Variants in DCAF8L2 observed in about 807,000 individuals in gnomAD.
DCAF8L2 encodes DDB1- and CUL4-associated factor 8-like protein 2.
For synonymous variants in DCAF8L2, 200 were observed against 190.9 expected (o/e 1.05, Z -0.39); for missense variants, 430 against 490.7 (o/e 0.88, Z 1.17).
the DCAF8L2 span, among the ~76,000 whole-genome samples, chrX:27,576,112 A>T: frequency 8.9e-6 from 1 of 112,562 alleles, no homozygotes; most frequent in Admixed American, 9.4e-5. Context: ...TATGTGTAGT[A>T]ATTTGATTAC....
At chrX:27,627,227 A>G (rs1251250210) in intron 1 of DCAF8L2, 1 of 111,553 alleles carries the variant, frequency 9.0e-6, no homozygotes, top group African/African-American at 3.3e-5. Flanking sequence ...ATCTAGAAAG[A>G]GGAATATTAG....
intron 1 of DCAF8L2, among the ~76,000 whole-genome samples, chrX:27,625,679 A>G (rs1369213617): frequency 8.9e-6 from 1 of 112,233 alleles, no homozygotes; most frequent in African/African-American, 3.2e-5. Flanking sequence ...CTATGCAGCC[A>G]TAAAAAGAAT....
intron 2 of DCAF8L2, among the ~76,000 whole-genome samples, chrX:27,642,536 T>C (rs778819396): frequency 8.1e-5 from 9 of 110,740 alleles, no homozygotes; most frequent in Non-Finnish European, 1.7e-4. Context: ...CTCAGGGAGA[T>C]GGGACTCTGC....
intron 3 of DCAF8L2, among the ~76,000 whole-genome samples, chrX:27,692,085 G>A (rs999786755): frequency 9.0e-6 from 1 of 111,555 alleles, no homozygotes; most frequent in Non-Finnish European, 1.9e-5. Flanking sequence ...TATTCTGGGT[G>A]GAAAGAGGTA....
At chrX:27,704,154 G>GTA (rs34605340) in intron 3 of DCAF8L2, among the ~76,000 whole-genome samples, 3,076 of 75,965 alleles carry the variant, frequency 0.04, 101 homozygotes, top group African/African-American at 0.045. Context: ...TAGTGCTGCA[G>GTA]TATATATATA....
At chrX:27,744,348 G>A (rs935478596) in intron 4 of DCAF8L2, among the ~76,000 whole-genome samples, 1 of 111,249 alleles carries the variant, frequency 9.0e-6, no homozygotes. Flanking sequence ...CCTGTTACAT[G>A]CATCTGTCCA....
At chrX:27,501,503 C>T in the DCAF8L2 span, among the ~76,000 whole-genome samples, 1 of 111,349 alleles carries the variant, frequency 9.0e-6, no homozygotes, top group Non-Finnish European at 1.9e-5. Context: ...GTGTTAGGAG[C>T]TCAACTGAGC....
chrX:27,648,013 C>T (rs1325045430), intron 2 of DCAF8L2, among the ~76,000 whole-genome samples: 4 of 111,326 alleles, frequency 3.6e-5, no homozygotes, highest in Non-Finnish European at 7.5e-5. Context: ...GAGGTAAATA[C>T]ACTGCCTTTC....
chrX:27,491,464 G>C, the DCAF8L2 span, among the ~76,000 whole-genome samples: 3 of 112,182 alleles, frequency 2.7e-5, no homozygotes, highest in African/African-American at 9.7e-5. Flanking sequence ...CCAGTACCAT[G>C]CTCTGTAAAT....
chrX:27,721,873 T>C (rs2147299305), intron 4 of DCAF8L2, among the ~76,000 whole-genome samples: 1 of 111,410 alleles, frequency 9.0e-6, no homozygotes, highest in African/African-American at 3.2e-5. Context: ...ATTGGAGAAA[T>C]TTGTAAATAA....
chrX:27,578,137 A>G, the DCAF8L2 span, among the ~76,000 whole-genome samples: 1 of 111,672 alleles, frequency 9.0e-6, no homozygotes, highest in African/African-American at 3.3e-5. Context: ...GCATCAAGCT[A>G]CCTGACTTCA....
chrX:27,721,736 ATCAC>A (rs945430234), intron 4 of DCAF8L2, among the ~76,000 whole-genome samples: 3 of 112,183 alleles, frequency 2.7e-5, no homozygotes, highest in Non-Finnish European at 5.7e-5. Flanking sequence ...ATTTTAAAAA[ATCAC>A]TCACAAACTA....
the DCAF8L2 span, among the ~76,000 whole-genome samples, chrX:27,581,676 C>T: frequency 9.1e-6 from 1 of 109,462 alleles, no homozygotes; most frequent in East Asian, 2.9e-4. Flanking sequence ...CCCCACCTCC[C>T]GGGTTCAAGT....
chrX:27,669,745 T>C (rs1416665901), intron 2 of DCAF8L2, among the ~76,000 whole-genome samples: 1 of 110,413 alleles, frequency 9.1e-6, no homozygotes, highest in African/African-American at 3.3e-5. Flanking sequence ...GTCCTTGCGA[T>C]AGTTTGCTGA....
chrX:27,617,000 TC>T (rs1241479424), intron 1 of DCAF8L2, among the ~76,000 whole-genome samples: 1 of 111,789 alleles, frequency 8.9e-6, no homozygotes, highest in South Asian at 3.7e-4. Flanking sequence ...TACTGAGGTT[TC>T]AAGCTAGACT....
intron 4 of DCAF8L2, among the ~76,000 whole-genome samples, chrX:27,746,615 G>T (rs1399112564): frequency 1.8e-5 from 2 of 111,949 alleles, no homozygotes; most frequent in Non-Finnish European, 3.8e-5. Context: ...TAAGATGCCT[G>T]TCGGGGTGGG....
chrX:27,692,855 TA>T (rs997724586), intron 3 of DCAF8L2, among the ~76,000 whole-genome samples: 4 of 111,123 alleles, frequency 3.6e-5, no homozygotes. Flanking sequence ...GGAAGTCTGC[TA>T]AACATCCTAC....
intron 3 of DCAF8L2, among the ~76,000 whole-genome samples, chrX:27,687,968 T>A (rs1930572390): frequency 8.9e-6 from 1 of 112,247 alleles, no homozygotes; most frequent in South Asian, 3.7e-4. Context: ...TGCCAAAGAA[T>A]TTTTTTAAAT....
intron 1 of DCAF8L2, among the ~76,000 whole-genome samples, chrX:27,629,433 T>C (rs952047104): frequency 7.2e-5 from 8 of 111,061 alleles, no homozygotes; most frequent in African/African-American, 2.6e-4. Context: ...TCTTTCTCTC[T>C]CTCTTTCCCT....
Sources: gnomAD v4.1 joint callset for allele counts (sites outside exome capture counted in the v4.1 genomes callset) on GRCh38, gnomAD v4.1.1 for gene constraint, MANE v1.5 for transcripts, NCBI Gene and HGNC (gene_info 2026-07-23, HGNC 2026-07-21) for gene names.